ATF6: variants seen among roughly 807,000 people sequenced by gnomAD.
The protein encoded by ATF6 is cyclic AMP-dependent transcription factor ATF-6 alpha.
In ATF6, 53 loss-of-function variants were observed where a neutral mutation model predicts 83.6. That is an observed-to-expected ratio of 0.63 (90% CI 0.51 to 0.80). ATF6 has a LOEUF of 0.80. Among genes scored for constraint, ATF6 ranks in the 30% least tolerant of loss-of-function variants. The pLI is 0.00. For missense variants in ATF6, 744 were observed against 797.9 expected, an observed-to-expected ratio of 0.93 and a Z score of 0.81; for synonymous variants, 288 against 285.8, an observed-to-expected ratio of 1.01 and a Z score of -0.08.
Position 161,912,538 on chromosome 1 carries a change from C to T in ATF6, c.1804+158C>T, listed in dbSNP as rs115117328. ...TCCACTGTTTTATTATTTTTAAGAT[C>T]CATTATTCTTTTAAAAAAAATTACT... is the stretch of plus-strand genomic sequence containing the variant. On this transcript the variant is annotated intron_variant, in intron 15 of 15. Transcript: ENST00000367942. 9.9e-3 allele frequency among the ~76,000 whole-genome samples: 1,507 copies of T among 152,130 alleles called. 11 individuals are homozygous for T. Among genetic ancestry groups the T allele is most frequent in the Non-Finnish European group, 0.013 (899 of 67,972 alleles).
At chr1:161,804,787 A>G (rs1363346615) in intron 7 of ATF6, among the ~76,000 whole-genome samples, 2 of 152,000 alleles carry the variant, frequency 1.3e-5, no homozygotes, top group Non-Finnish European at 2.9e-5. Flanking sequence ...ACATATTCCA[A>G]TTAATTATAT....
At chr1:161,934,831 G>A (rs1220517591) in intron 15 of ATF6, among the ~76,000 whole-genome samples, 5 of 152,136 alleles carry the variant, frequency 3.3e-5, no homozygotes, top group African/African-American at 9.7e-5. Context: ...CAGGGGAAGA[G>A]TCATGACCAA....
At chr1:161,864,547 A>G (rs1000389842) in intron 14 of ATF6, among the ~76,000 whole-genome samples, 1 of 152,226 alleles carries the variant, frequency 6.6e-6, no homozygotes, top group Non-Finnish European at 1.5e-5. Context: ...CTAGCAGCTC[A>G]GGTTTTTAGG....
At chr1:161,857,911 A>T (rs527727721) in intron 12 of ATF6, among the ~76,000 whole-genome samples, 1 of 152,292 alleles carries the variant, frequency 6.6e-6, no homozygotes, top group Non-Finnish European at 1.5e-5. Context: ...ATCAAAGTAT[A>T]ATCTCTAGAG....
At chr1:161,868,376 C>G (rs537118587) in intron 14 of ATF6, among the ~76,000 whole-genome samples, 3 of 152,202 alleles carry the variant, frequency 2.0e-5, no homozygotes, top group South Asian at 4.1e-4. Context: ...TACCACACAG[C>G]CTGTTTTTTT....
chr1:161,776,772 C>T (rs1468560621), intron 1 of ATF6, among the ~76,000 whole-genome samples: 1 of 152,178 alleles, frequency 6.6e-6, no homozygotes, highest in Non-Finnish European at 1.5e-5. Flanking sequence ...AGATGTCATA[C>T]TCACTGCACA....
In ATF6 at chr1:161,896,045, G is replaced by C. The variant is rs4529690; in HGVS notation, c.1720-16251G>C. Among the ~76,000 whole-genome samples the C allele has an allele frequency of 2.0e-5, 3 of 152,310 alleles. No homozygotes were observed. The East Asian group carries it at 5.8e-4, about 29-fold the overall frequency. On this transcript the variant is annotated intron_variant, in intron 14 of 15. Coordinates refer to ENST00000367942, the MANE Select transcript of ATF6 (RefSeq NM_007348.4). Reference sequence around the variant, plus strand: ...TAGAAAACTATACTGCTAACACATAGAAATAACTGCTCACCTTGAACTGAA... The same window carrying C: ...TAGAAAACTATACTGCTAACACATACAAATAACTGCTCACCTTGAACTGAA...
Position 161,805,573 on chromosome 1 carries a change from C to T in ATF6, c.909+3301C>T, listed in dbSNP as rs1685259524. ...AGCAGCAGGCCAACCCACTCAGGAA[C>T]CCAAAGTAAATCTGTTCCAGAAGGA... On this transcript the variant is annotated intron_variant, in intron 7 of 15. Transcript: ENST00000367942. Among the ~76,000 whole-genome samples the T allele has an allele frequency of 2.0e-5, 3 of 152,158 alleles. No individual in the cohort carries two copies. The South Asian group carries it at 6.2e-4, about 32-fold the overall frequency.
Position 161,960,699 on chromosome 1 carries a change from A to T in ATF6, c.*2045A>T, listed in dbSNP as rs1041859048. ...CGCAGCACTCCCCTTAGATTTGGCTATCCTGGGTGATTTTCAGACAAGAAC... is the reference window on the plus strand; with the variant it reads ...CGCAGCACTCCCCTTAGATTTGGCTTTCCTGGGTGATTTTCAGACAAGAAC... On this transcript the variant is annotated 3_prime_UTR_variant, in exon 16 of 16. Coordinates refer to ENST00000367942, the MANE Select transcript of ATF6 (RefSeq NM_007348.4). 5 of 152,202 alleles carry T rather than the reference A, an allele frequency of 3.3e-5. No individual in the cohort carries two copies. Among genetic ancestry groups the T allele is most frequent in the Admixed American group, 2.6e-4 (4 of 15,276 alleles). 9.4% of individuals were successfully genotyped at this position (152,202 alleles called of 1,614,324 possible). A position where few individuals can be genotyped will look rare whatever the true frequency, so the allele number is the denominator to read the frequency against.
Position 161,792,288 on chromosome 1 carries a change from C to G in ATF6, c.649C>G (p.Gln217Glu), listed in dbSNP as rs1200371659. 2 of 1,613,950 alleles carry G rather than the reference C, an allele frequency of 1.2e-6. No homozygotes were observed. The highest frequency in any genetic ancestry group is 2.7e-5 in the African/African-American group (2 of 74,932). The stretch of plus-strand genomic sequence containing the variant: ...ACCAACGCTTATGCCATTGGCAAAG[C>G]AGCAACCAATTATCAGTTTACAACC... The part of the protein sequence containing the change: ...TVPTLMPLAK[Q>E]QPIISLQPAP... The change falls in exon 6 of 16, where the codon CAG becomes GAG. Residue 217 changes from glutamine to glutamate, a missense_variant. Physicochemically the swap from Gln to Glu is conservative, Grantham distance 29. Transcript: ENST00000367942.
At chr1:161,863,024 T>TATCCTG (rs1247208486) in intron 13 of ATF6, among the ~76,000 whole-genome samples, 174 bp from the exon 14 acceptor site, 2 of 152,200 alleles carry the variant, frequency 1.3e-5, no homozygotes, top group Non-Finnish European at 2.9e-5. Flanking sequence ...TCTTATAAAA[T>TATCCTG]ATCCTGATCC....
intron 1 of ATF6, among the ~76,000 whole-genome samples, chr1:161,773,980 T>A (rs984210170): frequency 2.0e-5 from 3 of 152,212 alleles, no homozygotes; most frequent in Admixed American, 2.0e-4. Flanking sequence ...ACTGTTAACA[T>A]CGTGCCACAT....
At chr1:161,797,231 C>T (rs1685044008) in intron 6 of ATF6, among the ~76,000 whole-genome samples, 1 of 152,118 alleles carries the variant, frequency 6.6e-6, no homozygotes, top group Admixed American at 6.5e-5. Context: ...TGGGCAAGAG[C>T]TGGAAGTACA....
At chr1:161,817,514 CGTGTGT>C (rs145132978) in intron 7 of ATF6, among the ~76,000 whole-genome samples, 1 of 150,534 alleles carries the variant, frequency 6.6e-6, no homozygotes, top group African/African-American at 2.4e-5. Context: ...TATGTGCGTG[CGTGTGT>C]GTGTGTGTGA....
intron 15 of ATF6, among the ~76,000 whole-genome samples, chr1:161,942,858 T>A (rs1320168173): frequency 1.3e-5 from 2 of 152,090 alleles, no homozygotes; most frequent in African/African-American, 4.8e-5. Context: ...TTTTTGTTTG[T>A]TTGTTTGTTT....
intron 14 of ATF6, among the ~76,000 whole-genome samples, chr1:161,870,504 GA>G (rs1687099841): frequency 6.6e-6 from 1 of 151,850 alleles, no homozygotes; most frequent in African/African-American, 2.4e-5. Flanking sequence ...GCTTCTCATA[GA>G]AAAGAGTGGG....
At chr1:161,898,128 G>T (rs1182714611) in intron 14 of ATF6, among the ~76,000 whole-genome samples, 5 of 152,166 alleles carry the variant, frequency 3.3e-5, no homozygotes, top group Non-Finnish European at 7.3e-5. Context: ...CATTCAGAGA[G>T]AGGCTAAACA....
chr1:161,863,092 G>T, intron 13 of ATF6, 106 bp from the exon 14 acceptor site: 1 of 596,698 alleles, frequency 1.7e-6, no homozygotes, highest in Non-Finnish European at 2.9e-6. Flanking sequence ...TAATATTTTG[G>T]TTGAGAGAGA....
intron 7 of ATF6, among the ~76,000 whole-genome samples, chr1:161,803,084 G>A (rs544555778): frequency 9.9e-5 from 15 of 152,200 alleles, no homozygotes; most frequent in Non-Finnish European, 1.9e-4. Flanking sequence ...ACTACTAGTT[G>A]TTAATATTAC....
Sources: allele counts gnomAD v4.1 joint callset (sites outside exome capture counted in the v4.1 genomes callset), GRCh38; gene constraint gnomAD v4.1.1; transcripts MANE v1.5; gene names NCBI Gene and HGNC (gene_info 2026-07-23, HGNC 2026-07-21).